WDR91: variants seen among roughly 807,000 people sequenced by gnomAD.
WDR91 encodes WD repeat-containing protein 91.
Under a neutral mutation model 88.4 loss-of-function variants are expected in WDR91, and 52 were observed. That is an observed-to-expected ratio of 0.59 (90% CI 0.47 to 0.74). The LOEUF (loss-of-function observed/expected upper bound fraction) is 0.74, where lower values mean the gene tolerates loss of function less well. WDR91 is among the 30% of genes least tolerant of loss of function. The probability of loss-of-function intolerance (pLI) is 0.00; values close to 1 mark genes in which losing one functional copy is unlikely to be tolerated. For synonymous variants in WDR91, 362 were observed against 389.5 expected, an observed-to-expected ratio of 0.93 and a Z score of 0.83; for missense variants, 824 against 954.5, an observed-to-expected ratio of 0.86 and a Z score of 1.80.
chr7:135,188,625 A>C (rs1199341866), intron 12 of WDR91, 80 bp from the exon 13 acceptor site: 2 of 1,243,306 alleles, frequency 1.6e-6, no homozygotes, highest in Non-Finnish European at 2.3e-6. Flanking sequence ...AGGCCCCCTC[A>C]CCCTCTACTC....
intron 1 of WDR91, 45 bp from the exon 2 acceptor site, chr7:135,209,800 A>T: frequency 6.9e-7 from 1 of 1,444,640 alleles, no homozygotes; most frequent in Non-Finnish European, 9.2e-7. Flanking sequence ...GACAGAAGGG[A>T]ATTCTCCCCT....
In WDR91 at chr7:135,202,111, G is replaced by A. The variant is rs555579574; in HGVS notation, c.891+2157C>T. 4 of 152,338 alleles carry A rather than the reference G, an allele frequency of 2.6e-5. No homozygotes were observed. The East Asian group carries it at 7.7e-4, about 29-fold the overall frequency. The allele number at this position is 152,338 out of a possible 1,614,324, so 9.4% of individuals were successfully genotyped here. A position where few individuals can be genotyped will look rare whatever the true frequency, so the allele number is the denominator to read the frequency against. ...GCTAAGCTAAGATCTGTGAGGAAAA[G>A]TCATAAAGAAGTTTCTTCTAATAGC... On this transcript the variant is annotated intron_variant, in intron 6 of 14. Transcript: ENST00000354475.
rs1287924717 is a variant in WDR91 at position 135,184,119 on chromosome 7, A to C, written c.*2032T>G. 2.0e-5 allele frequency: 3 copies of C among 152,204 alleles called. No individual in the cohort carries two copies. The highest frequency in any genetic ancestry group is 4.8e-5 in the African/African-American group (2 of 41,450). 9.4% of individuals were successfully genotyped at this position (152,204 alleles called of 1,614,324 possible). A position where few individuals can be genotyped will look rare whatever the true frequency, so the allele number is the denominator to read the frequency against. On this transcript the variant is annotated 3_prime_UTR_variant, in exon 15 of 15. Transcript: ENST00000354475. ...ATCACTGTTTCAATACAGATGGGGA[A>C]AGATAATAAATAAAGAAGTCTTGGT...
In WDR91 at chr7:135,186,969, T is replaced by A; in HGVS notation, c.2079+3A>T. 2 of 1,613,480 alleles carry A rather than the reference T, an allele frequency of 1.2e-6. No homozygotes were observed. The highest frequency in any genetic ancestry group is 1.7e-6 in the Non-Finnish European group (2 of 1,180,038). On this transcript the variant is annotated splice_donor_region_variant and intron_variant, in intron 14 of 14. Coordinates refer to ENST00000354475, the MANE Select transcript of WDR91 (RefSeq NM_014149.4). The stretch of plus-strand genomic sequence containing the variant: ...CTACCTCCCACCCCCAACCATCAGT[T>A]ACCTTGTAGATGACGCCGCCTGTGG...
chr7:135,210,258 G>A (rs538044327), intron 1 of WDR91, among the ~76,000 whole-genome samples: 1 of 152,340 alleles, frequency 6.6e-6, no homozygotes, highest in East Asian at 1.9e-4. Flanking sequence ...GCTGAGGCAG[G>A]AGAATCGCTT....
chr7:135,194,624 C>A (rs1300350329), intron 9 of WDR91, among the ~76,000 whole-genome samples: 3 of 152,218 alleles, frequency 2.0e-5, no homozygotes, highest in Non-Finnish European at 4.4e-5. Flanking sequence ...ACTGAAACTG[C>A]AGCTGGAAAC....
chr7:135,204,754 T>C (rs921846710), intron 5 of WDR91, among the ~76,000 whole-genome samples: 5 of 152,200 alleles, frequency 3.3e-5, no homozygotes, highest in South Asian at 2.1e-4. Flanking sequence ...GTGCTAGAGA[T>C]GTAAAATTGA....
At chr7:135,208,020 A>C (rs555192783) in intron 3 of WDR91, among the ~76,000 whole-genome samples, 1 of 152,304 alleles carries the variant, frequency 6.6e-6, no homozygotes, top group African/African-American at 2.4e-5. Context: ...GAAAGGGTGA[A>C]GGCAGGAAAG....
chr7:135,205,880 G>T (rs1439105960), intron 5 of WDR91, 48 bp downstream of exon 5: 12 of 1,610,438 alleles, frequency 7.5e-6, no homozygotes, highest in African/African-American at 1.3e-5. Context: ...CTGTGGGGCT[G>T]AGAGCACAGA....
At chr7:135,187,279 TC>T in intron 13 of WDR91, 110 bp from the exon 14 acceptor site, 3 of 1,106,912 alleles carry the variant, frequency 2.7e-6, no homozygotes, top group Non-Finnish European at 3.9e-6. Context: ...GCGACCCGCC[TC>T]CCCCAGCCAC....
intron 6 of WDR91, among the ~76,000 whole-genome samples, chr7:135,203,323 C>G (rs1028321250): frequency 6.6e-6 from 1 of 152,238 alleles, no homozygotes; most frequent in African/African-American, 2.4e-5. Flanking sequence ...ACTGGTCTCA[C>G]ACCGAGGCTG....
Position 135,196,336 on chromosome 7 carries a change from C to A in WDR91, c.1052G>T (p.Cys351Phe). The A allele has an allele frequency of 6.5e-7, 1 of 1,548,984 alleles. No individual in the cohort carries two copies. Among genetic ancestry groups the A allele is most frequent in the Non-Finnish European group, 8.7e-7 (1 of 1,147,300 alleles). ...ACTGGCTTCTGGTTTCTTCTCTGCA[C>A]ACTGTCACAAGCAGGGTGGGGACAA... Reference protein sequence around the residue: ...KELFSTTTSQCAEKKPEASGP... With the variant: ...KELFSTTTSQFAEKKPEASGP... The change falls in exon 8 of 15, where the codon TGT (cysteine) becomes TTT (phenylalanine). Residue 351 changes from cysteine to phenylalanine, a missense_variant and splice_region_variant. Transcript: ENST00000354475. This position sits in a 1 kb window ranked among gnomAD's most constrained non-coding sequence, Gnocchi z 4.2.
chr7:135,200,455 G>A (rs912276235), intron 6 of WDR91: 1 of 152,198 alleles, frequency 6.6e-6, no homozygotes, highest in Non-Finnish European at 1.5e-5. Flanking sequence ...ACACAGAGAA[G>A]CTTGCACCCT....
chr7:135,198,187 C>T (rs755727165), intron 6 of WDR91, 36 bp from the exon 7 acceptor site: 5 of 1,596,568 alleles, frequency 3.1e-6, no homozygotes, highest in East Asian at 4.5e-5. Context: ...AGTCTCTTCC[C>T]ATCTGCCCAG....
rs1166933674 is a variant in WDR91 at position 135,198,098 on chromosome 7, G to A, written c.945C>T (p.Leu315=). ...CGGACTCCCCAGTGGCCAGCCCGCT[G>A]AGGAGGCTCTTCCCATCCTTGGCTC... is the stretch of plus-strand genomic sequence containing the variant. The part of the protein sequence containing the change: ...TSGAKDGKSL[L]SGLATGESGW... Residue 315 remains leucine (L), a synonymous_variant, in exon 7 of 15, where the codon CTC becomes CTT. Coordinates refer to ENST00000354475, the MANE Select transcript of WDR91 (RefSeq NM_014149.4). 3.7e-6 allele frequency: 6 copies of A among 1,613,872 alleles called. No individual in the cohort carries two copies. Among genetic ancestry groups the A allele is most frequent in the African/African-American group, 1.3e-5 (1 of 74,942 alleles).
At position 135,211,468 on chromosome 7, in the gene WDR91, A is replaced by G; in HGVS notation, c.35T>C (p.Val12Ala). 1 of 1,611,982 alleles carries G rather than the reference A, an allele frequency of 6.2e-7. No individual in the cohort carries two copies. Among genetic ancestry groups the G allele is most frequent in the Non-Finnish European group, 8.5e-7 (1 of 1,179,190 alleles). The change falls in exon 1 of 15, where the codon GTC becomes GCC. Residue 12 changes from valine (V) to alanine (A), a missense_variant. Val to Ala is a moderately conservative substitution (Grantham distance 64). Coordinates refer to ENST00000354475, the MANE Select transcript of WDR91 (RefSeq NM_014149.4). ...AEAVERTDELVREYLLFRGFT... is the reference protein window; with the variant it reads ...AEAVERTDELAREYLLFRGFT... ...CCCGCGGAAGAGCAGGTACTCCCGGACCAGCTCGTCAGTGCGCTCCACGGC... is the reference window on the plus strand; with the variant it reads ...CCCGCGGAAGAGCAGGTACTCCCGGGCCAGCTCGTCAGTGCGCTCCACGGC...
At chr7:135,198,243 G>A (rs2278129) in intron 6 of WDR91, 92 bp from the exon 7 acceptor site, 366,192 of 1,445,672 alleles carry the variant, frequency 0.25, 47,439 homozygotes, top group Non-Finnish European at 0.27. Flanking sequence ...GCGGGGGGGC[G>A]TGGTGGGTTG....
At chr7:135,201,963 T>C (rs1447571551) in intron 6 of WDR91, 1 of 152,068 alleles carries the variant, frequency 6.6e-6, no homozygotes, top group Non-Finnish European at 1.5e-5. Context: ...GGGGAAATCA[T>C]GCCATAGGGA....
In WDR91 at chr7:135,205,739, G is replaced by C. The variant is rs537657401; in HGVS notation, c.725+189C>G. Reference sequence around the variant, plus strand: ...TGTGCCACGGCACTCTAGCCTGGGCGACAGAGCGAGACTCCATCTCTAAAA... The same window carrying C: ...TGTGCCACGGCACTCTAGCCTGGGCCACAGAGCGAGACTCCATCTCTAAAA... On this transcript the variant is annotated intron_variant, in intron 5 of 14. Transcript: ENST00000354475. Among the ~76,000 whole-genome samples, 143 of 152,294 alleles carry C rather than the reference G, an allele frequency of 9.4e-4. 1 individual carries two copies. Among genetic ancestry groups the C allele is most frequent in the Non-Finnish European group, 5.9e-4 (40 of 68,020 alleles).
Sources: allele counts gnomAD v4.1 joint callset (sites outside exome capture counted in the v4.1 genomes callset), GRCh38; gene constraint gnomAD v4.1.1; non-coding constraint Gnocchi (gnomAD v3.1); transcripts MANE v1.5; gene names NCBI Gene and HGNC (gene_info 2026-07-23, HGNC 2026-07-21).